SLC36A4: variants seen among roughly 807,000 people sequenced by gnomAD.
SLC36A4 encodes solute carrier family 36 member 4.
SLC36A4 carries 49 observed loss-of-function variants against 50.5 expected under a neutral mutation model. That is an observed-to-expected ratio of 0.97 (90% CI 0.77 to 1.23). SLC36A4 has a LOEUF of 1.23. SLC36A4 is among the 50% of genes most tolerant of loss of function. SLC36A4 has a pLI of 0.00. For missense variants in SLC36A4, 611 were observed against 608.4 expected, an observed-to-expected ratio of 1.00 and a Z score of -0.05; for synonymous variants, 207 against 206.5, an observed-to-expected ratio of 1.00 and a Z score of -0.02.
chr11:93,183,644 A>G (rs1286921783), intron 3 of SLC36A4, among the ~76,000 whole-genome samples: 3 of 151,918 alleles, frequency 2.0e-5, no homozygotes, highest in African/African-American at 7.2e-5. Context: ...GCCTCTAACA[A>G]TGCTTTACAT....
intron 10 of SLC36A4, among the ~76,000 whole-genome samples, chr11:93,149,830 T>A (rs1859997823): frequency 6.6e-6 from 1 of 152,034 alleles, no homozygotes; most frequent in African/African-American, 2.4e-5. Context: ...TTAATAGCAT[T>A]GTATCCATGC....
At chr11:93,160,513 G>A (rs1183846409) in intron 9 of SLC36A4, 1 of 985,120 alleles carries the variant, frequency 1.0e-6, no homozygotes, top group Non-Finnish European at 1.2e-6. Context: ...GAAAGGGGCT[G>A]TGGGAAAAGG....
intron 1 of SLC36A4, among the ~76,000 whole-genome samples, chr11:93,194,372 A>AATCT (rs3030181): frequency 0.63 from 95,987 of 151,466 alleles, 31,055 homozygotes; most frequent in East Asian, 0.81. Context: ...TTGTCACCCG[A>AATCT]ATAAAGTACT....
chr11:93,186,536 T>C (rs2134702628), intron 1 of SLC36A4, among the ~76,000 whole-genome samples: 1 of 152,310 alleles, frequency 6.6e-6, no homozygotes, highest in Non-Finnish European at 1.5e-5. Flanking sequence ...TTTTTTACTA[T>C]CTTGTTTGAC....
intron 9 of SLC36A4, chr11:93,160,724 G>C (rs940314690): frequency 2.2e-5 from 22 of 984,578 alleles, no homozygotes; most frequent in Admixed American, 6.2e-5. Context: ...ACATGCTTTT[G>C]TAAATAAGAC....
intron 7 of SLC36A4, chr11:93,166,712 A>T (rs1565223554): frequency 6.6e-6 from 1 of 152,174 alleles, no homozygotes; most frequent in Non-Finnish European, 1.5e-5. Flanking sequence ...TCTTCTCACC[A>T]TCTTACATTC....
chr11:93,195,157 C>T (rs529521136), intron 1 of SLC36A4, among the ~76,000 whole-genome samples: 1 of 151,026 alleles, frequency 6.6e-6, no homozygotes, highest in African/African-American at 2.4e-5. Context: ...TGAAGTCATA[C>T]ATCATCACTT....
At chr11:93,181,833 G>A in intron 4 of SLC36A4, 47 bp from the exon 5 acceptor site, 1 of 1,458,256 alleles carries the variant, frequency 6.9e-7, no homozygotes, top group Non-Finnish European at 9.2e-7. Flanking sequence ...AAAATTTTAA[G>A]GTGGTCCATA....
At chr11:93,175,268 G>C (rs1202568799) in intron 6 of SLC36A4, among the ~76,000 whole-genome samples, 9 of 151,880 alleles carry the variant, frequency 5.9e-5, no homozygotes, top group African/African-American at 2.2e-4. Flanking sequence ...ATGGTAGTTT[G>C]TATTTCTGTG....
At chr11:93,179,511 CACAGA>C (rs1861641187) in intron 6 of SLC36A4, among the ~76,000 whole-genome samples, 1 of 152,166 alleles carries the variant, frequency 6.6e-6, no homozygotes, top group Admixed American at 6.5e-5. Context: ...AGAAAGGTTT[CACAGA>C]ACAGGTGACA....
intron 1 of SLC36A4, among the ~76,000 whole-genome samples, chr11:93,191,153 C>T (rs1862201085): frequency 6.6e-6 from 1 of 152,120 alleles, no homozygotes; most frequent in South Asian, 2.1e-4. Context: ...GTCAACTAGT[C>T]ATTTATAACT....
intron 6 of SLC36A4, among the ~76,000 whole-genome samples, chr11:93,179,401 C>T (rs762122222): frequency 7.2e-5 from 11 of 152,094 alleles, no homozygotes; most frequent in Non-Finnish European, 1.6e-4. Context: ...TTCAGTACAG[C>T]ATGATCAAGG....
intron 6 of SLC36A4, among the ~76,000 whole-genome samples, chr11:93,170,851 T>C (rs144256300): frequency 1.5e-4 from 23 of 152,212 alleles, no homozygotes; most frequent in African/African-American, 5.1e-4. Context: ...ATGTGGCAGT[T>C]ACATAGCAGG....
chr11:93,184,419 A>G lies in SLC36A4; in HGVS notation c.270+11T>C, dbSNP rs755022092. 5 of 1,539,468 alleles carry G rather than the reference A, an allele frequency of 3.2e-6. No individual in the cohort carries two copies. The highest frequency in any genetic ancestry group is 2.7e-6 in the Non-Finnish European group (3 of 1,113,100). On this transcript the variant is annotated intron_variant, in intron 3 of 10. Coordinates refer to ENST00000326402, the MANE Select transcript of SLC36A4 (RefSeq NM_152313.4). ...TGCATCTTAACTGGTGATTACAAAGATAAGTCTTACCACTATGCCTGCATT... is the reference window on the plus strand; with the variant it reads ...TGCATCTTAACTGGTGATTACAAAGGTAAGTCTTACCACTATGCCTGCATT...
intron 10 of SLC36A4, among the ~76,000 whole-genome samples, chr11:93,151,848 C>T (rs544122718): frequency 6.6e-6 from 1 of 152,024 alleles, no homozygotes; most frequent in South Asian, 2.1e-4. Flanking sequence ...TATTATAATA[C>T]ATTTAAAAAT....
At chr11:93,153,487 T>C (rs1860199208) in intron 10 of SLC36A4, among the ~76,000 whole-genome samples, 1 of 151,992 alleles carries the variant, frequency 6.6e-6, no homozygotes, top group African/African-American at 2.4e-5. Flanking sequence ...CACCACCGAG[T>C]AAGTGATAGG....
intron 1 of SLC36A4, among the ~76,000 whole-genome samples, chr11:93,189,658 G>A (rs1862133384): frequency 6.6e-6 from 1 of 152,096 alleles, no homozygotes; most frequent in South Asian, 2.1e-4. Context: ...TGTGCAGTAT[G>A]TTCTGTGCTG....
chr11:93,176,382 T>C (rs2134680759), intron 6 of SLC36A4, among the ~76,000 whole-genome samples: 2 of 152,324 alleles, frequency 1.3e-5, no homozygotes, highest in South Asian at 4.1e-4. Flanking sequence ...AGCACACTGA[T>C]GGGTCCTGAC....
rs1861793105 is a variant in SLC36A4 at position 93,182,795 on chromosome 11, T to C, written c.359+11A>G. ...CTTTAAAATAAATAGGCTTAACAAA[T>C]CCACATTTACCTCAGACATAGAAAG... On this transcript the variant is annotated intron_variant, in intron 4 of 10. Transcript: ENST00000326402. 2 of 1,585,980 alleles carry C rather than the reference T, an allele frequency of 1.3e-6. No homozygotes were observed. The highest frequency in any genetic ancestry group is 1.7e-6 in the Non-Finnish European group (2 of 1,159,194).
Sources: gnomAD v4.1 joint callset for allele counts (sites outside exome capture counted in the v4.1 genomes callset) on GRCh38, gnomAD v4.1.1 for gene constraint, MANE v1.5 for transcripts, NCBI Gene and HGNC (gene_info 2026-07-23, HGNC 2026-07-21) for gene names.